The following SIDT1 variants were observed in gnomAD, a reference collection of about 807,000 sequenced individuals.
SIDT1 encodes the protein SID1 transmembrane family, member 1.
A neutral mutation model predicts 107.5 loss-of-function variants in SIDT1; 101 were observed. The observed-to-expected ratio is 0.94, with a 90% confidence interval of 0.80 to 1.11. The LOEUF (loss-of-function observed/expected upper bound fraction) is 1.11, where lower values mean the gene tolerates loss of function less well. Ranked by LOEUF, SIDT1 falls within the 50% of genes least tolerant of loss-of-function variation. SIDT1 has a pLI of 0.00. For synonymous variants in SIDT1, 395 were observed against 398.2 expected (o/e 0.99, Z 0.10); for missense variants, 1,076 against 1,058.2 (o/e 1.02, Z -0.23).
Position 113,577,046 on chromosome 3 carries a change from G to C in SIDT1, c.561+79G>C, listed in dbSNP as rs79832118. 2,517 of 1,363,386 alleles carry C rather than the reference G, an allele frequency of 1.8e-3. 58 individuals are homozygous for C. In the East Asian group the frequency reaches 0.049, roughly 27 times the overall value. The allele number at this position is 1,363,386 out of a possible 1,614,324, so 84.5% of individuals were successfully genotyped here. On this transcript the variant is annotated intron_variant, in intron 4 of 24. Coordinates refer to ENST00000264852, the MANE Select transcript of SIDT1 (RefSeq NM_017699.3). The stretch of plus-strand genomic sequence containing the variant: ...CCTGTTAGTGAAACCATGTTACCCT[G>C]GTAGAGTTAGCGTGTGGTGTTGCCC...
intron 1 of SIDT1, among the ~76,000 whole-genome samples, chr3:113,543,025 C>T (rs1431850237): frequency 4.0e-5 from 6 of 151,776 alleles, no homozygotes; most frequent in East Asian, 1.9e-4. Context: ...CACTGCAACT[C>T]GACCTCCCAG....
At chr3:113,604,217 C>A (rs1339309439) in intron 13 of SIDT1, among the ~76,000 whole-genome samples, 184 bp downstream of exon 13, 2 of 152,206 alleles carry the variant, frequency 1.3e-5, no homozygotes, top group African/African-American at 4.8e-5. Flanking sequence ...TCCCTCCCAG[C>A]CAAGAGGCTG....
intron 1 of SIDT1, among the ~76,000 whole-genome samples, chr3:113,560,372 T>C (rs553342280): frequency 6.6e-6 from 1 of 152,344 alleles, no homozygotes; most frequent in African/African-American, 2.4e-5. Context: ...GCTTTTTCCA[T>C]TTGTCTTTCT....
intron 1 of SIDT1, 135 bp from the exon 2 acceptor site, chr3:113,566,285 T>TA (rs1446213042): frequency 1.4e-5 from 11 of 792,244 alleles, no homozygotes; most frequent in Admixed American, 8.7e-5. Flanking sequence ...TATCAGAAAT[T>TA]AAAGTGTTTC....
At chr3:113,592,520 T>C (rs975424415) in intron 9 of SIDT1, among the ~76,000 whole-genome samples, 2 of 152,200 alleles carry the variant, frequency 1.3e-5, no homozygotes, top group African/African-American at 4.8e-5. Context: ...CCACCAACAA[T>C]GTATGAGTTC....
At chr3:113,597,495 C>CAAAA (rs60934363) in intron 10 of SIDT1, among the ~76,000 whole-genome samples, 32 of 109,504 alleles carry the variant, frequency 2.9e-4, no homozygotes, top group Non-Finnish European at 3.4e-4. Context: ...GACTCCATCT[C>CAAAA]AAAAAAAAAA....
At chr3:113,607,840 G>C (rs527527510) in intron 15 of SIDT1, among the ~76,000 whole-genome samples, 60 of 152,318 alleles carry the variant, frequency 3.9e-4, no homozygotes, top group African/African-American at 1.4e-3. Context: ...GGATAAGAGA[G>C]GATGGGAGGG....
chr3:113,582,603 C>T (rs1293869897), intron 6 of SIDT1, among the ~76,000 whole-genome samples: 1 of 152,178 alleles, frequency 6.6e-6, no homozygotes, highest in Non-Finnish European at 1.5e-5. Flanking sequence ...ATATCAATAA[C>T]TCTCTTCCCT....
chr3:113,571,819 C>T (rs554599524), intron 3 of SIDT1, among the ~76,000 whole-genome samples: 4 of 152,176 alleles, frequency 2.6e-5, no homozygotes, highest in Non-Finnish European at 5.9e-5. Context: ...CCTGTAATCC[C>T]AGCTACCTGG....
intron 1 of SIDT1, among the ~76,000 whole-genome samples, chr3:113,556,693 A>T (rs1940890915): frequency 6.6e-6 from 1 of 152,138 alleles, no homozygotes; most frequent in Non-Finnish European, 1.5e-5. Flanking sequence ...AGAAATGAAG[A>T]TAAGAAAATA....
chr3:113,627,809 C>A lies in SIDT1; in HGVS notation c.*101C>A. 1.8e-6 allele frequency: 2 copies of A among 1,092,400 alleles called. No homozygotes were observed. Among genetic ancestry groups the A allele is most frequent in the Non-Finnish European group, 2.8e-6 (2 of 718,076 alleles). The allele number at this position is 1,092,400 out of a possible 1,614,324, so 67.7% of individuals were successfully genotyped here. A position where few individuals can be genotyped will look rare whatever the true frequency, so the allele number is the denominator to read the frequency against. On this transcript the variant is annotated 3_prime_UTR_variant, in exon 25 of 25. Transcript: ENST00000264852. The stretch of plus-strand genomic sequence containing the variant: ...AGTAACCACTGCCAGATGCTCCACT[C>A]ACCCTCTGTAGAGCCAACTCTGCAT...
rs1937618078 is a variant in SIDT1 at position 113,532,834 on chromosome 3, G to C, written c.-188G>C. ...GTGACCTCCAGTGGAGACCCCAGGC[G>C]GCAGCATCAGTATTTGATCGGCCCT... On this transcript the variant is annotated 5_prime_UTR_variant, in exon 1 of 25. Transcript: ENST00000264852. 3 of 411,336 alleles carry C rather than the reference G, an allele frequency of 7.3e-6. No homozygotes were observed. Among genetic ancestry groups the C allele is most frequent in the Non-Finnish European group, 1.3e-5 (3 of 236,112 alleles). The allele number at this position is 411,336 out of a possible 1,614,324, so 25.5% of individuals were successfully genotyped here. A position where few individuals can be genotyped will look rare whatever the true frequency, so the allele number is the denominator to read the frequency against.
chr3:113,569,222 A>T (rs1441194565), intron 3 of SIDT1, among the ~76,000 whole-genome samples: 1 of 152,022 alleles, frequency 6.6e-6, no homozygotes, highest in African/African-American at 2.4e-5. Flanking sequence ...AAAGGCAGGC[A>T]AAACTATTCT....
intron 23 of SIDT1, 21 bp from the exon 24 acceptor site, chr3:113,626,075 CCCATGT>C: frequency 6.7e-7 from 1 of 1,484,926 alleles, no homozygotes; most frequent in Non-Finnish European, 9.4e-7. Flanking sequence ...GGGAATCTTG[CCCATGT>C]CCTGCCTCAC....
chr3:113,609,143 A>G (rs1945560424), intron 17 of SIDT1, among the ~76,000 whole-genome samples: 1 of 145,274 alleles, frequency 6.9e-6, no homozygotes. Flanking sequence ...GCTCACTGCA[A>G]TCTCTGCCTC....
rs1339165476 is a variant in SIDT1, at chr3:113,628,567, A to G, written c.*859A>G. The G allele has an allele frequency of 6.5e-6, 1 of 152,684 alleles. No individual in the cohort carries two copies. Among genetic ancestry groups the G allele is most frequent in the Non-Finnish European group, 1.5e-5 (1 of 68,164 alleles). The allele number at this position is 152,684 out of a possible 1,614,324, so 9.5% of individuals were successfully genotyped here. A position where few individuals can be genotyped will look rare whatever the true frequency, so the allele number is the denominator to read the frequency against. ...GAGAAATGACTAACCATACTAAAAG[A>G]CTGGTAACAGCAGCAGCAGCCAGAC... On this transcript the variant is annotated 3_prime_UTR_variant, in exon 25 of 25. Coordinates refer to ENST00000264852, the MANE Select transcript of SIDT1 (RefSeq NM_017699.3).
rs140529559 is a variant in SIDT1 at position 113,566,528 on chromosome 3, C to T, written c.331C>T (p.Leu111Phe). Residue 111 changes from leucine to phenylalanine, a missense_variant, in exon 2 of 25, where the codon CTC becomes TTC. Leu to Phe is a conservative substitution (Grantham distance 22, BLOSUM62 0). Coordinates refer to ENST00000264852, the MANE Select transcript of SIDT1 (RefSeq NM_017699.3). ...KEVLSWQVPLLFQGLYQRSYN... is the reference protein window; with the variant it reads ...KEVLSWQVPLFFQGLYQRSYN... ...GGTGCTGTCCTGGCAGGTTCCTCTG[C>T]TCTTCCAAGGACTGTAAGTGGGTTT... 2 of 1,614,096 alleles carry T rather than the reference C, an allele frequency of 1.2e-6. No homozygotes were observed.
At chr3:113,611,902 C>T (rs1022678190) in intron 18 of SIDT1, among the ~76,000 whole-genome samples, 184 bp from the exon 19 acceptor site, 8 of 140,606 alleles carry the variant, frequency 5.7e-5, no homozygotes, top group Non-Finnish European at 7.6e-5. Flanking sequence ...TTCATTTGGC[C>T]CAGTAGCCTT....
intron 21 of SIDT1, 190 bp downstream of exon 21, chr3:113,619,916 G>A (rs1419847454): frequency 3.6e-6 from 2 of 556,760 alleles, no homozygotes; most frequent in Admixed American, 3.1e-5. Context: ...TTAAAACACT[G>A]ATGCATTGAG....
Sources: gnomAD v4.1 joint callset for allele counts (sites outside exome capture counted in the v4.1 genomes callset) on GRCh38, gnomAD v4.1.1 for gene constraint, MANE v1.5 for transcripts, NCBI Gene and HGNC (gene_info 2026-07-23, HGNC 2026-07-21) for gene names.